Variants in MARK2 observed in about 807,000 individuals in gnomAD.
MARK2 encodes microtubule affinity regulating kinase 2.
A neutral mutation model predicts 89.8 loss-of-function variants in MARK2; 16 were observed. The ratio of observed to expected loss-of-function variants is 0.18; its 90% CI spans 0.12 to 0.27. The LOEUF (loss-of-function observed/expected upper bound fraction) is 0.27, where lower values mean the gene tolerates loss of function less well. Ranked by LOEUF, MARK2 falls within the 10% of genes least tolerant of loss-of-function variation. The probability of loss-of-function intolerance (pLI) is 1.00; values close to 1 mark genes in which losing one functional copy is unlikely to be tolerated. For synonymous variants in MARK2, 382 were observed against 399.5 expected (o/e 0.96, Z 0.52); for missense variants, 621 against 1,049.9 (o/e 0.59, Z 5.65).
intron 1 of MARK2, among the ~76,000 whole-genome samples, chr11:63,874,151 G>A (rs1938609584): frequency 6.6e-6 from 1 of 152,152 alleles, no homozygotes; most frequent in African/African-American, 2.4e-5. Flanking sequence ...TTATTGTCAG[G>A]TTGACCCTCT....
At chr11:63,888,566 C>T in intron 1 of MARK2, 3 of 1,095,462 alleles carry the variant, frequency 2.7e-6, no homozygotes, top group South Asian at 2.2e-5. Flanking sequence ...CTATTCCCCT[C>T]CTGCCCCTTC....
At chr11:63,898,518 T>G in intron 4 of MARK2, 90 bp from the exon 5 acceptor site, 1 of 1,090,842 alleles carries the variant, frequency 9.2e-7, no homozygotes, top group Non-Finnish European at 1.4e-6. Flanking sequence ...GAGGGGAGAC[T>G]TTCGTTCCTA....
At chr11:63,896,108 C>T (rs1305087333) in intron 3 of MARK2, among the ~76,000 whole-genome samples, 3 of 152,206 alleles carry the variant, frequency 2.0e-5, no homozygotes, top group African/African-American at 7.2e-5. Flanking sequence ...GGCTCTGCTA[C>T]CTTCGGGGCT....
intron 1 of MARK2, among the ~76,000 whole-genome samples, chr11:63,854,378 G>GTTT (rs61469139): frequency 9.2e-6 from 1 of 108,802 alleles, no homozygotes; most frequent in Non-Finnish European, 1.9e-5. Context: ...TTTTCTATTT[G>GTTT]TTTTTTTTTT....
In MARK2 at chr11:63,839,619, C is replaced by T. The variant is rs569388555; in HGVS notation, c.54+59C>T. ...GCTGGGCCCTTTGCACCTTGCGGAG[C>T]CTCCTCCCTCTTCTGCTCTCCTCGT... On this transcript the variant is annotated intron_variant, in intron 1 of 18. Transcript: ENST00000402010. 6.6e-5 allele frequency: 72 copies of T among 1,096,866 alleles called. 3 individuals carry two copies. The South Asian group carries it at 9.4e-4, about 14-fold the overall frequency. The allele number at this position is 1,096,866 out of a possible 1,614,324, so 67.9% of individuals were successfully genotyped here.
intron 1 of MARK2, among the ~76,000 whole-genome samples, chr11:63,873,215 G>A (rs946778304): frequency 6.6e-6 from 1 of 152,184 alleles, no homozygotes; most frequent in African/African-American, 2.4e-5. Context: ...CTCTTCAGAA[G>A]AGCTGGCTGG....
rs1941004154 is a variant in MARK2 at position 63,902,785 on chromosome 11, G to A, written c.1416+3G>A. On this transcript the variant is annotated splice_donor_region_variant and intron_variant, in intron 13 of 18. Transcript: ENST00000402010. This position sits in a 1 kb window ranked among gnomAD's most constrained non-coding sequence, Gnocchi z 4.2. The stretch of plus-strand genomic sequence containing the variant: ...AGACCACCCCAACCCCCTCCACGGT[G>A]AGCCGCACCCCCCGCTCTCTCCTTC... The A allele has an allele frequency of 1.9e-6, 3 of 1,606,700 alleles. No individual in the cohort carries two copies. The highest frequency in any genetic ancestry group is 2.6e-6 in the Non-Finnish European group (3 of 1,175,010).
chr11:63,887,697 A>G (rs573974522), intron 1 of MARK2, among the ~76,000 whole-genome samples: 3 of 149,302 alleles, frequency 2.0e-5, no homozygotes, highest in Admixed American at 1.4e-4. Context: ...CAAGGCTGCA[A>G]CCAGCACATA....
At chr11:63,857,156 T>G (rs905249513) in intron 1 of MARK2, among the ~76,000 whole-genome samples, 1 of 151,802 alleles carries the variant, frequency 6.6e-6, no homozygotes, top group Non-Finnish European at 1.5e-5. Context: ...TTCGTTTTCT[T>G]TCTTTAATTT....
At chr11:63,898,920 G>C in intron 6 of MARK2, 87 bp downstream of exon 6, 1 of 1,312,516 alleles carries the variant, frequency 7.6e-7, no homozygotes, top group Non-Finnish European at 1.1e-6. Context: ...TCTGTAAGTG[G>C]CCCTTGGAGG....
chr11:63,857,169 T>C (rs2016908881), intron 1 of MARK2, among the ~76,000 whole-genome samples: 1 of 151,948 alleles, frequency 6.6e-6, no homozygotes, highest in Non-Finnish European at 1.5e-5. Context: ...TTTAATTTGT[T>C]AGTATTTGTT....
rs1304282965 is a variant in MARK2 at position 63,895,181 on chromosome 11, C to G, written c.77C>G (p.Ser26Cys). Residue 26 changes from serine to cysteine, a missense_variant, in exon 2 of 19, where the codon TCC (serine) becomes TGC (cysteine). Physicochemically the swap from Ser to Cys is moderately radical, Grantham distance 112. This residue lies in a region of MARK2 where 60 missense variants were observed against 73.2 expected (regional missense o/e 0.82). Transcript: ENST00000402010. ...CAGCCCACCTTGGGACACCTTGACT[C>G]CAAGCCCAGCAGTAAGTCCAACATG... ...TEQPTLGHLD[S>C]KPSSKSNMIR... is the part of the protein sequence containing the mutation. The G allele has an allele frequency of 1.9e-6, 3 of 1,613,628 alleles. No homozygotes were observed. The highest frequency in any genetic ancestry group is 3.3e-5 in the Admixed American group (2 of 59,952).
intron 3 of MARK2, among the ~76,000 whole-genome samples, chr11:63,897,979 T>G (rs1940554873): frequency 6.6e-6 from 1 of 152,132 alleles, no homozygotes; most frequent in African/African-American, 2.4e-5. Flanking sequence ...CTGGATTTGG[T>G]AGACGCAGCA....
At position 63,875,634 on chromosome 11, in the gene MARK2, A is replaced by G. The variant is rs545055544; in HGVS notation, c.55-19525A>G. On this transcript the variant is annotated intron_variant, in intron 1 of 18. Coordinates refer to ENST00000402010, the MANE Select transcript of MARK2 (RefSeq NM_001039469.3). ...CAAATCCTGTCTGCAGGGGCCCAGG[A>G]CATGCAGCTGTTTCAGGAAACCGCC... Among the ~76,000 whole-genome samples, 4 of 152,302 alleles carry G rather than the reference A, an allele frequency of 2.6e-5. No individual in the cohort carries two copies. In the East Asian group the frequency reaches 7.7e-4, roughly 29 times the overall value.
chr11:63,895,040 A>T, intron 1 of MARK2, 119 bp from the exon 2 acceptor site: 1 of 725,540 alleles, frequency 1.4e-6, no homozygotes, highest in Non-Finnish European at 2.3e-6. Context: ...ATCATTCTTC[A>T]CATGCCTACC....
chr11:63,890,395 G>A, intron 1 of MARK2: 1 of 563,610 alleles, frequency 1.8e-6, no homozygotes, highest in Admixed American at 2.7e-5. Context: ...CAAAGAGCAA[G>A]CACCAGTGCT....
At chr11:63,897,764 C>A (rs1940536170) in intron 3 of MARK2, among the ~76,000 whole-genome samples, 1 of 152,204 alleles carries the variant, frequency 6.6e-6, no homozygotes, top group African/African-American at 2.4e-5. Flanking sequence ...AAGGCCTATC[C>A]CCTAGAACAG....
At chr11:63,881,995 A>AGAGTCTAGAGAAGT (rs1006465661) in intron 1 of MARK2, among the ~76,000 whole-genome samples, 1 of 152,102 alleles carries the variant, frequency 6.6e-6, no homozygotes, top group South Asian at 2.1e-4. Context: ...TAGAGCGCTG[A>AGAGTCTAGAGAAGT]GAGTCTAGAG....
At position 63,902,309 on chromosome 11, in the gene MARK2, C is replaced by A; in HGVS notation, c.1213C>A (p.Gln405Lys). Residue 405 changes from glutamine (Q) to lysine (K), a missense_variant, in exon 12 of 19, where the codon CAG (glutamine) becomes AAG (lysine). Around this residue, in one of 5 missense-constraint regions of MARK2, gnomAD observed 397 missense variants for 567.8 expected, o/e 0.70. Coordinates refer to ENST00000402010, the MANE Select transcript of MARK2 (RefSeq NM_001039469.3). The surrounding 1 kb of genome is among the most constrained non-coding windows in gnomAD (Gnocchi z 4.2). ...GCGCAGCGTGTCGGCCAATCCCAAG[C>A]AGCGGCGCTTCAGCGACCAGGGTAA... ...VQRSVSANPK[Q>K]RRFSDQAAGP... The A allele has an allele frequency of 1.9e-6, 3 of 1,614,110 alleles. No homozygotes were observed. The highest frequency in any genetic ancestry group is 2.5e-6 in the Non-Finnish European group (3 of 1,179,986).
Sources: gnomAD v4.1 joint callset for allele counts (sites outside exome capture counted in the v4.1 genomes callset) on GRCh38, gnomAD v4.1.1 for gene constraint, gnomAD v4.1.1 regional missense constraint, Gnocchi (gnomAD v3.1) non-coding constraint, MANE v1.5 for transcripts, NCBI Gene and HGNC (gene_info 2026-07-23, HGNC 2026-07-21) for gene names.